The following TMEM186 variants were observed in gnomAD, a reference collection of about 807,000 sequenced individuals.
TMEM186 encodes chromosome 16 open reading frame 51.
A neutral mutation model predicts 2.5 loss-of-function variants in TMEM186; 2 were observed. That is an observed-to-expected ratio of 0.79 (90% CI 0.32 to 2.50). TMEM186 has a LOEUF of 2.50. Ranked by LOEUF, TMEM186 falls within the 30% of genes most tolerant of loss-of-function variation. TMEM186 has a pLI of 0.11. For missense variants in TMEM186, 321 were observed against 276.5 expected (o/e 1.16, Z -1.14); for synonymous variants, 120 against 104.9 (o/e 1.14, Z -0.88).
chr16:8,796,677 G>A (rs2141013155), intron 1 of TMEM186, 87 bp from the exon 2 acceptor site: 1 of 1,478,684 alleles, frequency 6.8e-7, no homozygotes, highest in African/African-American at 1.4e-5. Context: ...CATACTCTAA[G>A]GCTTCTGCCA....
In TMEM186 at chr16:8,795,993, GCT is replaced by G. The variant is rs745393656; in HGVS notation, c.599_600del (p.Glu200AlafsTer30). 2.1e-5 allele frequency: 34 copies of G among 1,613,986 alleles called. No individual in the cohort carries two copies. The highest frequency in any genetic ancestry group is 2.7e-5 in the Non-Finnish European group (32 of 1,179,980). On this transcript the variant is annotated frameshift_variant, in exon 2 of 2. Transcript: ENST00000333050. LOFTEE classifies it low-confidence loss of function (END_TRUNC). ...TLRYGRILDR[E>X]RFTQVFGVHQ... The stretch of plus-strand genomic sequence containing the variant: ...TGTACCCCAAACACCTGTGTGAAAC[GCT>G]CTCTGTCCAGGATGCGTCCATAGCG...
At position 8,796,563 on chromosome 16, in the gene TMEM186, A is replaced by AC. The variant is rs1251003338; in HGVS notation, c.30dup (p.Phe11ValfsTer24). 1 of 1,613,616 alleles carries AC rather than the reference A, an allele frequency of 6.2e-7. No homozygotes were observed. The highest frequency in any genetic ancestry group is 2.2e-5 in the East Asian group (1 of 44,876). ...CTTTCCCACACAGCTTTTCCCCGAA[A>AC]CCTACGCACAGCTCGGAGAAGGGCA... On this transcript the variant is annotated frameshift_variant, in exon 2 of 2. Coordinates refer to ENST00000333050, the MANE Select transcript of TMEM186 (RefSeq NM_015421.4). LOFTEE classifies it low-confidence loss of function (END_TRUNC).
chr16:8,796,834 T>G (rs1421199529), intron 1 of TMEM186, among the ~76,000 whole-genome samples: 1 of 152,190 alleles, frequency 6.6e-6, no homozygotes, highest in Non-Finnish European at 1.5e-5. Flanking sequence ...GTAAGATATT[T>G]ACCAAAGATC....
In TMEM186 at chr16:8,795,708, A is replaced by G; in HGVS notation, c.*244T>C. 4.2e-6 allele frequency: 2 copies of G among 477,914 alleles called. No homozygotes were observed. The highest frequency in any genetic ancestry group is 3.7e-5 in the South Asian group (1 of 27,040). 29.6% of individuals were successfully genotyped at this position (477,914 alleles called of 1,614,324 possible). A position where few individuals can be genotyped will look rare whatever the true frequency, so the allele number is the denominator to read the frequency against. On this transcript the variant is annotated 3_prime_UTR_variant, in exon 2 of 2. Coordinates refer to ENST00000333050, the MANE Select transcript of TMEM186 (RefSeq NM_015421.4). ...TTCTAAGAACTGGCTCTTAACAAAA[A>G]CTTCTGGCCATTATCTGACTGAATG...
rs1567326853 is a variant in TMEM186, at chr16:8,796,351, C to G, written c.243G>C (p.Leu81=). 6.2e-7 allele frequency: 1 copy of G among 1,614,250 alleles called. No individual in the cohort carries two copies. Among genetic ancestry groups the G allele is most frequent in the Non-Finnish European group, 8.5e-7 (1 of 1,180,044 alleles). The change falls in exon 2 of 2, where the codon CTG becomes CTC. Residue 81 remains leucine, a synonymous_variant. Transcript: ENST00000333050. ...LSRLKLAQTA[L]TVVALPPGYY... is the part of the protein sequence containing the mutation. The stretch of plus-strand genomic sequence containing the variant: ...AGCCTGGTGGCAAAGCTACCACTGT[C>G]AGGGCAGTCTGTGCCAACTTCAGTC...
At position 8,795,886 on chromosome 16, in the gene TMEM186, C is replaced by T; in HGVS notation, c.*66G>A. On this transcript the variant is annotated 3_prime_UTR_variant, in exon 2 of 2. Transcript: ENST00000333050. ...CCAGTCCCCTTTCTTCAGCCTTGCC[C>T]ACACCCTCAGCCTTCCTGTTAATCC... is the stretch of plus-strand genomic sequence containing the variant. The T allele has an allele frequency of 3.2e-6, 5 of 1,543,674 alleles. 1 individual carries two copies. Among genetic ancestry groups the T allele is most frequent in the Admixed American group, 3.8e-5 (2 of 52,328 alleles).
At chr16:8,797,330 A>G (rs1004697397) in intron 1 of TMEM186, among the ~76,000 whole-genome samples, 1 of 152,186 alleles carries the variant, frequency 6.6e-6, no homozygotes, top group African/African-American at 2.4e-5. Flanking sequence ...CGCCTTTCAA[A>G]ATGGGGACTC....
intron 1 of TMEM186, 84 bp from the exon 2 acceptor site, chr16:8,796,674 T>C (rs1835096094): frequency 2.0e-6 from 3 of 1,489,082 alleles, no homozygotes. Context: ...CACCATACTC[T>C]AAGGCTTCTG....
intron 1 of TMEM186, 96 bp downstream of exon 1, chr16:8,797,516 G>T (rs936576411): frequency 4.8e-6 from 7 of 1,456,186 alleles, no homozygotes; most frequent in Admixed American, 2.1e-5. Context: ...ACGGATCCTC[G>T]GAGTCCGAAA....
At position 8,796,557 on chromosome 16, in the gene TMEM186, C is replaced by T. The variant is rs1260765663; in HGVS notation, c.37G>A (p.Gly13Arg). Reference sequence around the variant, plus strand: ...AGAGGCCTTTCCCACACAGCTTTTCCCCGAAACCTACGCACAGCTCGGAGA... The same window carrying T: ...AGAGGCCTTTCCCACACAGCTTTTCTCCGAAACCTACGCACAGCTCGGAGA... ...ALLRAVRRFR[G>R]KAVWERPLHG... The change falls in exon 2 of 2, where the codon GGA becomes AGA. Residue 13 changes from glycine to arginine, a missense_variant. By Grantham distance (125) the Gly-to-Arg change is moderately radical (BLOSUM62 -2). Transcript: ENST00000333050. The T allele has an allele frequency of 1.2e-6, 2 of 1,614,014 alleles. No homozygotes were observed. The highest frequency in any genetic ancestry group is 8.5e-7 in the Non-Finnish European group (1 of 1,180,024).
chr16:8,797,215 G>A (rs1339756658), intron 1 of TMEM186, among the ~76,000 whole-genome samples: 1 of 152,098 alleles, frequency 6.6e-6, no homozygotes. Context: ...GTAGCACAAG[G>A]GTATTACTAG....
chr16:8,796,394 G>T lies in TMEM186; in HGVS notation c.200C>A (p.Thr67Asn), dbSNP rs777271773. The T allele has an allele frequency of 1.2e-6, 2 of 1,614,224 alleles. No homozygotes were observed. Among genetic ancestry groups the T allele is most frequent in the South Asian group, 2.2e-5 (2 of 91,084 alleles). The stretch of plus-strand genomic sequence containing the variant: ...CTTCAGTCGTGACAGGAACCCGAAG[G>T]TTCTGATGGCATCAAAACGGTAAAA... ...WMFYRFDAIR[T>N]FGFLSRLKLA... Residue 67 changes from threonine to asparagine, a missense_variant, in exon 2 of 2, where the codon ACC (threonine) becomes AAC (asparagine). Thr to Asn is a moderately conservative substitution (Grantham distance 65). Transcript: ENST00000333050.
chr16:8,795,749 G>C lies in TMEM186; in HGVS notation c.*203C>G. ...TGACTGAATGTCACAAACAAGTGCT[G>C]TAAGAACTTGCTTAGAGCCTTTTTC... On this transcript the variant is annotated 3_prime_UTR_variant, in exon 2 of 2. Transcript: ENST00000333050. 1.6e-6 allele frequency: 1 copy of C among 610,392 alleles called. No individual in the cohort carries two copies. Among genetic ancestry groups the C allele is most frequent in the Non-Finnish European group, 2.8e-6 (1 of 353,106 alleles). 37.8% of individuals were successfully genotyped at this position (610,392 alleles called of 1,614,324 possible).
rs2060571947 is a variant in TMEM186, at chr16:8,795,866, C to A, written c.*86G>T. 4 of 1,472,502 alleles carry A rather than the reference C, an allele frequency of 2.7e-6. No homozygotes were observed. In the South Asian group the frequency reaches 5.3e-5, roughly 20 times the overall value. The allele number at this position is 1,472,502 out of a possible 1,614,324, so 91.2% of individuals were successfully genotyped here. ...CAGGCAAAGTCTCCAAGTACCCAGT[C>A]CCCTTTCTTCAGCCTTGCCCACACC... On this transcript the variant is annotated 3_prime_UTR_variant, in exon 2 of 2. Transcript: ENST00000333050.
Position 8,795,857 on chromosome 16 carries a change from G to T in TMEM186, c.*95C>A. Reference sequence around the variant, plus strand: ...CCAGGGGCCCAGGCAAAGTCTCCAAGTACCCAGTCCCCTTTCTTCAGCCTT... The same window carrying T: ...CCAGGGGCCCAGGCAAAGTCTCCAATTACCCAGTCCCCTTTCTTCAGCCTT... On this transcript the variant is annotated 3_prime_UTR_variant, in exon 2 of 2. Transcript: ENST00000333050. 7.0e-7 allele frequency: 1 copy of T among 1,428,750 alleles called. No individual in the cohort carries two copies. The highest frequency in any genetic ancestry group is 9.5e-7 in the Non-Finnish European group (1 of 1,054,308). 88.5% of individuals were successfully genotyped at this position (1,428,750 alleles called of 1,614,324 possible).
intron 1 of TMEM186, 32 bp downstream of exon 1, chr16:8,797,580 A>AC (rs1473356810): frequency 8.2e-6 from 13 of 1,591,446 alleles, no homozygotes; most frequent in Non-Finnish European, 9.4e-6. Context: ...AAAGAGCATC[A>AC]CCCCCTCAAG....
chr16:8,796,008 T>C lies in TMEM186; in HGVS notation c.586A>G (p.Ile196Val), dbSNP rs2060572887. The C allele has an allele frequency of 1.9e-6, 3 of 1,614,226 alleles. No homozygotes were observed. Among genetic ancestry groups the C allele is most frequent in the Non-Finnish European group, 2.5e-6 (3 of 1,180,032 alleles). ...TFYVTLRYGR[I>V]LDRERFTQVF... is the part of the protein sequence containing the mutation. Reference sequence around the variant, plus strand: ...TGTGTGAAACGCTCTCTGTCCAGGATGCGTCCATAGCGCAGGGTGACGTAG... The same window carrying C: ...TGTGTGAAACGCTCTCTGTCCAGGACGCGTCCATAGCGCAGGGTGACGTAG... Residue 196 changes from isoleucine to valine, a missense_variant, in exon 2 of 2, where the codon ATC (isoleucine) becomes GTC (valine). By Grantham distance (29) the Ile-to-Val change is conservative. Transcript: ENST00000333050.
intron 1 of TMEM186, 140 bp downstream of exon 1, chr16:8,797,472 A>C: frequency 8.6e-7 from 1 of 1,157,164 alleles, no homozygotes; most frequent in Non-Finnish European, 1.2e-6. Context: ...AGCCCGGGAA[A>C]AGCGAACTGT....
At position 8,796,374 on chromosome 16, in the gene TMEM186, G is replaced by C. The variant is rs761955758; in HGVS notation, c.220C>G (p.Leu74Val). The change falls in exon 2 of 2, where the codon CTG becomes GTG. Residue 74 changes from leucine to valine, a missense_variant. Transcript: ENST00000333050. ...AIRTFGFLSR[L>V]KLAQTALTVV... ...GTCAGGGCAGTCTGTGCCAACTTCA[G>C]TCGTGACAGGAACCCGAAGGTTCTG... is the stretch of plus-strand genomic sequence containing the variant. 2 of 1,614,220 alleles carry C rather than the reference G, an allele frequency of 1.2e-6. No individual in the cohort carries two copies. The highest frequency in any genetic ancestry group is 1.1e-5 in the South Asian group (1 of 91,090).
Sources: allele counts gnomAD v4.1 joint callset (sites outside exome capture counted in the v4.1 genomes callset), GRCh38; gene constraint gnomAD v4.1.1; transcripts MANE v1.5; gene names NCBI Gene and HGNC (gene_info 2026-07-23, HGNC 2026-07-21).